The following FAM107B variants were observed in gnomAD, a reference collection of about 807,000 sequenced individuals.
The protein encoded by FAM107B is protein FAM107B.
FAM107B carries 21 observed loss-of-function variants against 31.5 expected under a neutral mutation model. The observed-to-expected ratio is 0.67, with a 90% CI of 0.47 to 0.96. The LOEUF (loss-of-function observed/expected upper bound fraction) is 0.96, where lower values mean the gene tolerates loss of function less well. FAM107B is among the 40% of genes least tolerant of loss of function. The pLI, the probability that FAM107B is intolerant of heterozygous loss-of-function variation, is 0.00. For missense variants in FAM107B, 452 were observed against 377.1 expected (o/e 1.20, Z -1.64); for synonymous variants, 157 against 141.5 (o/e 1.11, Z -0.78).
intron 1 of FAM107B, among the ~76,000 whole-genome samples, chr10:14,720,078 G>A (rs1293183120): frequency 2.0e-5 from 3 of 152,108 alleles, no homozygotes; most frequent in Non-Finnish European, 4.4e-5. Flanking sequence ...GGTGACCTCA[G>A]GCAAGTCACA....
chr10:14,552,227 G>A (rs895282343), intron 2 of FAM107B, among the ~76,000 whole-genome samples: 7 of 152,114 alleles, frequency 4.6e-5, no homozygotes, highest in African/African-American at 1.4e-4. Context: ...AAGGAAGGAG[G>A]ATGTTGCAAA....
At chr10:14,571,152 G>C (rs1048681298) in intron 2 of FAM107B, among the ~76,000 whole-genome samples, 2 of 152,056 alleles carry the variant, frequency 1.3e-5, no homozygotes, top group Non-Finnish European at 2.9e-5. Context: ...GGACAGCAGG[G>C]AGAGTGAGAA....
chr10:14,661,743 A>C (rs1326782882), intron 2 of FAM107B: 3 of 152,140 alleles, frequency 2.0e-5, no homozygotes, highest in Non-Finnish European at 4.4e-5. Context: ...TCAGGAAGAG[A>C]ATGATTTTGG....
intron 2 of FAM107B, chr10:14,602,988 C>A (rs1319240874): frequency 7.6e-6 from 1 of 131,812 alleles, no homozygotes; most frequent in Non-Finnish European, 1.6e-5. Context: ...TTTACCACCC[C>A]ACCCTCTTTC....
intron 2 of FAM107B, among the ~76,000 whole-genome samples, chr10:14,575,619 C>G (rs1564582060): frequency 6.6e-6 from 1 of 152,130 alleles, no homozygotes; most frequent in African/African-American, 2.4e-5. Flanking sequence ...GGCACAGGGG[C>G]CAGGGAAACC....
At chr10:14,622,923 T>C (rs1853052985) in intron 2 of FAM107B, among the ~76,000 whole-genome samples, 2 of 152,196 alleles carry the variant, frequency 1.3e-5, no homozygotes, top group African/African-American at 4.8e-5. Context: ...AATGCATTCA[T>C]TAACTACACA....
chr10:14,711,118 A>T (rs555537874), intron 1 of FAM107B, among the ~76,000 whole-genome samples: 65 of 152,326 alleles, frequency 4.3e-4, no homozygotes, highest in African/African-American at 1.5e-3. Flanking sequence ...TCACCATATC[A>T]GCCAGGCTGG....
chr10:14,629,426 T>A (rs1483813535), intron 2 of FAM107B, among the ~76,000 whole-genome samples: 327 of 18,148 alleles, frequency 0.018, 20 homozygotes, highest in African/African-American at 0.036. Flanking sequence ...ATAATATATA[T>A]AATATATATT....
chr10:14,643,101 ATAGGTAGG>A (rs1009134701), intron 2 of FAM107B, among the ~76,000 whole-genome samples: 1 of 99,190 alleles, frequency 1.0e-5, no homozygotes, highest in Non-Finnish European at 2.2e-5. Context: ...CTGATTGGAG[ATAGGTAGG>A]TAGGTAGGTA....
chr10:14,639,339 T>A (rs1853576848), intron 2 of FAM107B, among the ~76,000 whole-genome samples: 1 of 152,216 alleles, frequency 6.6e-6, no homozygotes, highest in Non-Finnish European at 1.5e-5. Flanking sequence ...TAGGGTTAGG[T>A]ACCACCATGC....
chr10:14,524,219 T>C (rs1845985444), intron 3 of FAM107B, among the ~76,000 whole-genome samples: 1 of 152,038 alleles, frequency 6.6e-6, no homozygotes, highest in Non-Finnish European at 1.5e-5. Flanking sequence ...TTTTTTGTAT[T>C]TTTAGTAGAG....
At chr10:14,681,821 A>G (rs1027484459) in intron 1 of FAM107B, among the ~76,000 whole-genome samples, 2 of 152,236 alleles carry the variant, frequency 1.3e-5, no homozygotes, top group Non-Finnish European at 2.9e-5. Flanking sequence ...TTCGCTCCCA[A>G]GTAGACTGAA....
chr10:14,741,456 G>C (rs1318824984), intron 1 of FAM107B, among the ~76,000 whole-genome samples: 2 of 152,122 alleles, frequency 1.3e-5, no homozygotes, highest in Non-Finnish European at 2.9e-5. Flanking sequence ...ACCAGCCTAC[G>C]AAGAAGTCTT....
chr10:14,604,227 G>A (rs1477957208), intron 2 of FAM107B: 4 of 979,796 alleles, frequency 4.1e-6, no homozygotes, highest in Non-Finnish European at 4.8e-6. Context: ...GTAAGTGCGG[G>A]AGGCGAACCT....
chr10:14,751,849 C>T (rs1275795310), intron 1 of FAM107B, among the ~76,000 whole-genome samples: 1 of 151,974 alleles, frequency 6.6e-6, no homozygotes, highest in Admixed American at 6.5e-5. Flanking sequence ...GAAGCCCAGG[C>T]CTGGGCTTCC....
chr10:14,564,204 G>A (rs911360096), intron 2 of FAM107B, among the ~76,000 whole-genome samples: 3 of 152,110 alleles, frequency 2.0e-5, no homozygotes, highest in African/African-American at 7.2e-5. Flanking sequence ...GCAGGTAACA[G>A]AATGAAGAGT....
chr10:14,595,113 G>A (rs1452661357), intron 2 of FAM107B, among the ~76,000 whole-genome samples: 3 of 150,898 alleles, frequency 2.0e-5, no homozygotes, highest in Admixed American at 2.0e-4. Context: ...GTGGGAGGGG[G>A]AACTGACTGC....
In FAM107B at chr10:14,642,538, C is replaced by A. The variant is rs914242409; in HGVS notation, c.469+25096G>T. Among the ~76,000 whole-genome samples the A allele has an allele frequency of 7.2e-5, 11 of 152,328 alleles. No homozygotes were observed. In the East Asian group the frequency reaches 7.7e-4, roughly 11 times the overall value. On this transcript the variant is annotated intron_variant, in intron 2 of 4. Coordinates refer to ENST00000181796, the MANE Select transcript of FAM107B (RefSeq NM_031453.4). The stretch of plus-strand genomic sequence containing the variant: ...CATTTTGTCATGTCTCTATCCCCTT[C>A]GGTTCAAACTGGCAGTGTTTCTGCT...
chr10:14,531,817 G>C (rs1441341530), intron 2 of FAM107B, among the ~76,000 whole-genome samples: 1 of 152,190 alleles, frequency 6.6e-6, no homozygotes, highest in Non-Finnish European at 1.5e-5. Context: ...CTGGGAAACA[G>C]AGAGAGACTC....
Sources: gnomAD v4.1 joint callset for allele counts (sites outside exome capture counted in the v4.1 genomes callset) on GRCh38, gnomAD v4.1.1 for gene constraint, MANE v1.5 for transcripts, NCBI Gene and HGNC (gene_info 2026-07-23, HGNC 2026-07-21) for gene names.